Variants in PTCD3 observed in about 807,000 individuals in gnomAD.
The protein encoded by PTCD3 is small ribosomal subunit protein mS39.
PTCD3 carries 89 observed loss-of-function variants against 101.9 expected under a neutral mutation model. The ratio of observed to expected loss-of-function variants is 0.87; its 90% confidence interval spans 0.74 to 1.04. The LOEUF is 1.04. Among genes scored for constraint, PTCD3 ranks in the 50% least tolerant of loss-of-function variants. PTCD3 has a pLI of 0.00. For synonymous variants in PTCD3, 296 were observed against 278.5 expected (o/e 1.06, Z -0.63); for missense variants, 870 against 828.2 (o/e 1.05, Z -0.62).
At chr2:86,130,325 A>G (rs1402433878) in intron 14 of PTCD3, among the ~76,000 whole-genome samples, 1 of 152,118 alleles carries the variant, frequency 6.6e-6, no homozygotes, top group Non-Finnish European at 1.5e-5. Context: ...TTGTTTTTCT[A>G]AGTATGCTGG....
Position 86,133,370 on chromosome 2 carries a change from A to G in PTCD3, c.1477A>G (p.Met493Val), listed in dbSNP as rs889580420. 6 of 1,614,200 alleles carry G rather than the reference A, an allele frequency of 3.7e-6. No homozygotes were observed. The highest frequency in any genetic ancestry group is 5.1e-6 in the Non-Finnish European group (6 of 1,180,012). Reference sequence around the variant, plus strand: ...GGCCTACTTTCCCCACTCCCAAACAATGATACATCTTCTCCAAGCATTGGA... The same window carrying G: ...GGCCTACTTTCCCCACTCCCAAACAGTGATACATCTTCTCCAAGCATTGGA... ...PSAYFPHSQT[M>V]IHLLQALDVA... The change falls in exon 19 of 24, where the codon ATG becomes GTG. Residue 493 changes from methionine (M) to valine (V), a missense_variant. Transcript: ENST00000254630.
In PTCD3 at chr2:86,123,738, G is replaced by A. The variant is rs1231259149; in HGVS notation, c.692G>A (p.Gly231Asp). The change falls in exon 9 of 24, where the codon GGT becomes GAT. Residue 231 changes from glycine to aspartate, a missense_variant. Coordinates refer to ENST00000254630, the MANE Select transcript of PTCD3 (RefSeq NM_017952.6). The stretch of plus-strand genomic sequence containing the variant: ...GATGAGACATCTAGGAGGAAAGCTG[G>A]TCATCAGTTTGGAGTTACATGGCGG... ...ENDETSRRKA[G>D]HQFGVTWRAK... 1 of 1,601,214 alleles carries A rather than the reference G, an allele frequency of 6.2e-7. No homozygotes were observed. Among genetic ancestry groups the A allele is most frequent in the East Asian group, 2.2e-5 (1 of 44,468 alleles).
At chr2:86,119,331 A>G in intron 7 of PTCD3, 1 of 364,954 alleles carries the variant, frequency 2.7e-6, no homozygotes, top group South Asian at 3.8e-5. Flanking sequence ...GTAGGTATGC[A>G]GTGCTCCCAG....
rs1272560445 is a variant in PTCD3 at position 86,127,080 on chromosome 2, ATTCTT to A, written c.952-79_952-75del. The stretch of plus-strand genomic sequence containing the variant: ...CTTTAAACATAAGCAAGAAAGCTAA[ATTCTT>A]TACTTTGTATGAAACATAGATTATT... On this transcript the variant is annotated intron_variant, in intron 12 of 23. Transcript: ENST00000254630. 11 of 1,298,512 alleles carry A rather than the reference ATTCTT, an allele frequency of 8.5e-6. No individual in the cohort carries two copies. In the South Asian group the frequency reaches 1.2e-4, roughly 14 times the overall value. 80.4% of individuals were successfully genotyped at this position (1,298,512 alleles called of 1,614,324 possible). A position where few individuals can be genotyped will look rare whatever the true frequency, so the allele number is the denominator to read the frequency against.
chr2:86,115,326 T>A (rs150680246), intron 4 of PTCD3, among the ~76,000 whole-genome samples: 2 of 152,316 alleles, frequency 1.3e-5, no homozygotes, highest in African/African-American at 4.8e-5. Flanking sequence ...ATTGCAGCAG[T>A]CTCTGTCGTC....
In PTCD3 at chr2:86,134,358, G is replaced by A. The variant is rs2104462280; in HGVS notation, c.1610G>A (p.Arg537Lys). ...GAAGAGATCCTGATGCTCATGGCAA[G>A]GGACAAGCACCCACCAGAGGTAGGC... The part of the protein sequence containing the change: ...LREEILMLMA[R>K]DKHPPELQVA... The change falls in exon 20 of 24, where the codon AGG becomes AAG. Residue 537 changes from arginine (R) to lysine (K), a missense_variant. Physicochemically the swap from Arg to Lys is conservative, Grantham distance 26. Coordinates refer to ENST00000254630, the MANE Select transcript of PTCD3 (RefSeq NM_017952.6). 3 of 1,613,050 alleles carry A rather than the reference G, an allele frequency of 1.9e-6. No homozygotes were observed. Among genetic ancestry groups the A allele is most frequent in the Non-Finnish European group, 2.5e-6 (3 of 1,179,040 alleles).
At chr2:86,132,831 T>C in intron 17 of PTCD3, 1 of 328,892 alleles carries the variant, frequency 3.0e-6, no homozygotes, top group Non-Finnish European at 5.5e-6. Context: ...AACATGAATT[T>C]AAGAAGGCAG....
At chr2:86,132,558 C>T (rs1247021548) in intron 17 of PTCD3, 134 bp downstream of exon 17, 1 of 555,022 alleles carries the variant, frequency 1.8e-6, no homozygotes. Context: ...GTTAATTGAG[C>T]ACTTAGGAAT....
At position 86,134,861 on chromosome 2, in the gene PTCD3, G is replaced by A; in HGVS notation, c.1652G>A (p.Cys551Tyr). Residue 551 changes from cysteine to tyrosine, a missense_variant, in exon 21 of 24, where the codon TGT becomes TAT. Transcript: ENST00000254630. ...CAGCTTCAGGTGGCATTTGCTGACTGTGCTGCTGATATCAAATCTGCGTAT... is the reference window on the plus strand; with the variant it reads ...CAGCTTCAGGTGGCATTTGCTGACTATGCTGCTGATATCAAATCTGCGTAT... ...PPELQVAFAD[C>Y]AADIKSAYES... 3 of 1,614,164 alleles carry A rather than the reference G, an allele frequency of 1.9e-6. No individual in the cohort carries two copies. Among genetic ancestry groups the A allele is most frequent in the Non-Finnish European group, 2.5e-6 (3 of 1,180,028 alleles).
rs558361233 is a variant in PTCD3 at position 86,125,128 on chromosome 2, G to A, written c.804+46G>A. On this transcript the variant is annotated intron_variant, in intron 10 of 23. Coordinates refer to ENST00000254630, the MANE Select transcript of PTCD3 (RefSeq NM_017952.6). ...TTTGTCTTTCATTTCCACCGATCAG[G>A]GTGTTTCAGCCTCAGAACTACTAAC... 3.7e-6 allele frequency: 6 copies of A among 1,604,892 alleles called. No homozygotes were observed. The African/African-American group carries it at 8.0e-5, about 21-fold the overall frequency.
intron 15 of PTCD3, 79 bp downstream of exon 15, chr2:86,130,816 T>A: frequency 6.4e-7 from 1 of 1,564,914 alleles, no homozygotes; most frequent in Non-Finnish European, 8.6e-7. Context: ...AGAGGCCTTG[T>A]GATCCCTATA....
chr2:86,106,511 A>G (rs368937652), intron 1 of PTCD3, among the ~76,000 whole-genome samples, 160 bp downstream of exon 1: 34 of 152,332 alleles, frequency 2.2e-4, no homozygotes, highest in African/African-American at 6.5e-4. Flanking sequence ...TGGCCCTTTG[A>G]AATAGGATTC....
intron 7 of PTCD3, among the ~76,000 whole-genome samples, chr2:86,120,975 T>G (rs1308588698): frequency 6.6e-6 from 1 of 152,234 alleles, no homozygotes; most frequent in African/African-American, 2.4e-5. Context: ...TTTTTAGCCT[T>G]TTTAATGAGT....
At chr2:86,111,204 A>T (rs376456526) in intron 4 of PTCD3, 46 bp downstream of exon 4, 1 of 1,504,100 alleles carries the variant, frequency 6.6e-7, no homozygotes, top group African/African-American at 1.4e-5. Flanking sequence ...CTTGGCTAAT[A>T]ACACACTTTT....
intron 14 of PTCD3, among the ~76,000 whole-genome samples, chr2:86,130,353 T>C (rs1573857152): frequency 6.6e-6 from 1 of 152,232 alleles, no homozygotes; most frequent in East Asian, 1.9e-4. Context: ...AGGGAGTGTG[T>C]GTTACTGTCT....
rs1674617030 is a variant in PTCD3 at position 86,137,833 on chromosome 2, T to A, written c.*274T>A. The A allele has an allele frequency of 2.7e-6, 1 of 372,498 alleles. No individual in the cohort carries two copies. The highest frequency in any genetic ancestry group is 5.2e-6 in the Non-Finnish European group (1 of 193,120). The allele number at this position is 372,498 out of a possible 1,614,324, so 23.1% of individuals were successfully genotyped here. ...CACATGGTGAGGTCCATGGCTCTTGTCATCAGGATAAGCCTGCACACCTAG... is the reference window on the plus strand; with the variant it reads ...CACATGGTGAGGTCCATGGCTCTTGACATCAGGATAAGCCTGCACACCTAG... On this transcript the variant is annotated 3_prime_UTR_variant, in exon 24 of 24. Transcript: ENST00000254630.
rs1165872488 is a variant in PTCD3 at position 86,134,688 on chromosome 2, C to CT, written c.1630-144dup. 9 of 935,274 alleles carry CT rather than the reference C, an allele frequency of 9.6e-6. No individual in the cohort carries two copies. The African/African-American group carries it at 1.2e-4, about 12-fold the overall frequency. 57.9% of individuals were successfully genotyped at this position (935,274 alleles called of 1,614,324 possible). A position where few individuals can be genotyped will look rare whatever the true frequency, so the allele number is the denominator to read the frequency against. ...TAATCAAAATACTTAGGACAGGGTC[C>CT]TTTTTTTATTAAATTACTTGTGTGC... On this transcript the variant is annotated intron_variant, in intron 20 of 23. Transcript: ENST00000254630.
At chr2:86,109,406 C>CA (rs5832671) in intron 3 of PTCD3, among the ~76,000 whole-genome samples, 105,641 of 142,324 alleles carry the variant, frequency 0.74, 39,675 homozygotes, top group South Asian at 0.85. Context: ...GACTCCATCT[C>CA]AAAAAAAAAA....
chr2:86,109,230 C>G (rs952839795), intron 3 of PTCD3, among the ~76,000 whole-genome samples: 1 of 152,142 alleles, frequency 6.6e-6, no homozygotes, highest in Admixed American at 6.5e-5. Context: ...ACGGTGAAAC[C>G]CCGTCTCTAC....
Sources: allele counts gnomAD v4.1 joint callset (sites outside exome capture counted in the v4.1 genomes callset), GRCh38; gene constraint gnomAD v4.1.1; transcripts MANE v1.5; gene names NCBI Gene and HGNC (gene_info 2026-07-23, HGNC 2026-07-21).